DEUP1: variants seen among roughly 807,000 people sequenced by gnomAD.
DEUP1 encodes deuterosome assembly protein 1, also known as coiled-coil domain containing 67.
In DEUP1, 82 loss-of-function variants were observed where a neutral mutation model predicts 87.4. That is an observed-to-expected ratio of 0.94 (90% CI 0.78 to 1.13). The LOEUF is 1.13. Ranked by LOEUF, DEUP1 falls within the 50% of genes most tolerant of loss-of-function variation. The pLI, the probability that DEUP1 is intolerant of heterozygous loss-of-function variation, is 0.00. For missense variants in DEUP1, 663 were observed against 681.5 expected (o/e 0.97, Z 0.30); for synonymous variants, 214 against 222.7 (o/e 0.96, Z 0.35).
chr11:93,348,833 G>T (rs1944485556), intron 2 of DEUP1, among the ~76,000 whole-genome samples: 1 of 152,072 alleles, frequency 6.6e-6, no homozygotes, highest in Non-Finnish European at 1.5e-5. Context: ...AAATTGTCCT[G>T]GTTTGGCTAA....
intron 7 of DEUP1, among the ~76,000 whole-genome samples, chr11:93,376,520 G>C (rs1157079022): frequency 1.3e-5 from 2 of 151,812 alleles, no homozygotes; most frequent in East Asian, 3.9e-4. Context: ...TTCTTTTCTT[G>C]GTTAATCTTG....
chr11:93,416,299 A>C (rs1202548171), intron 13 of DEUP1, among the ~76,000 whole-genome samples: 1 of 151,414 alleles, frequency 6.6e-6, no homozygotes, highest in Non-Finnish European at 1.5e-5. Context: ...ACTAATAAAG[A>C]AAAAAAGAGA....
chr11:93,390,161 GC>G (rs1327921125), intron 9 of DEUP1, among the ~76,000 whole-genome samples: 1 of 152,150 alleles, frequency 6.6e-6, no homozygotes, highest in Non-Finnish European at 1.5e-5. Flanking sequence ...CCTGGGTGTG[GC>G]TTTGAATTAT....
In DEUP1 at chr11:93,369,654, G is replaced by A. The variant is rs540415105; in HGVS notation, c.433-419G>A. ...ATAGGTAAAGAATGGATTTACGGCC[G>A]GGCGCGGTGGCTCACGCCTGTAATC... On this transcript the variant is annotated intron_variant, in intron 5 of 13. Transcript: ENST00000298050. 3.2e-4 allele frequency among the ~76,000 whole-genome samples: 2 copies of A among 6,230 alleles called. 1 individual carries two copies. The highest frequency in any genetic ancestry group is 6.0e-4 in the Non-Finnish European group (2 of 3,346). The allele number at this position is 6,230 out of a possible 152,430, so 4.1% of individuals were successfully genotyped here.
intron 7 of DEUP1, among the ~76,000 whole-genome samples, chr11:93,374,016 G>A (rs1342674121): frequency 4.6e-5 from 7 of 152,108 alleles, no homozygotes; most frequent in Non-Finnish European, 8.8e-5. Context: ...GTTTTGATTT[G>A]CATTTCCCTG....
intron 2 of DEUP1, among the ~76,000 whole-genome samples, chr11:93,337,530 C>T (rs1943833051): frequency 6.6e-6 from 1 of 152,144 alleles, no homozygotes; most frequent in Non-Finnish European, 1.5e-5. Context: ...TATTCACCTC[C>T]CCCCATATAC....
chr11:93,373,625 G>GTGTA (rs796309948), intron 7 of DEUP1, among the ~76,000 whole-genome samples: 681 of 66,974 alleles, frequency 0.01, 7 homozygotes, highest in African/African-American at 0.026. Flanking sequence ...ATATATATAC[G>GTGTA]TATATATATA....
In DEUP1 at chr11:93,418,841, G is replaced by A. The variant is rs925417997; in HGVS notation, c.1638+3727G>A. 2.2e-4 allele frequency among the ~76,000 whole-genome samples: 33 copies of A among 152,154 alleles called. No individual in the cohort carries two copies. The East Asian group carries it at 4.8e-3, about 22-fold the overall frequency. Reference sequence around the variant, plus strand: ...ATGTGGCACATATACATCATGGAATGCTATGCAGCCATAAAAAATGATGAG... The same window carrying A: ...ATGTGGCACATATACATCATGGAATACTATGCAGCCATAAAAAATGATGAG... On this transcript the variant is annotated intron_variant, in intron 13 of 13. Coordinates refer to ENST00000298050, the MANE Select transcript of DEUP1 (RefSeq NM_181645.4).
At chr11:93,410,946 GA>G (rs1947419505) in intron 12 of DEUP1, 1 of 152,188 alleles carries the variant, frequency 6.6e-6, no homozygotes, top group African/African-American at 2.4e-5. Context: ...TTCATTTGTT[GA>G]AAGTTTCATT....
chr11:93,395,103 A>G (rs1341080808), intron 10 of DEUP1, among the ~76,000 whole-genome samples: 1 of 152,216 alleles, frequency 6.6e-6, no homozygotes, highest in Non-Finnish European at 1.5e-5. Context: ...TGAAACATGA[A>G]AATTAGTTCA....
In DEUP1 at chr11:93,394,600, G is replaced by GA; in HGVS notation, c.1188dup (p.Gln397ThrfsTer24). On this transcript the variant is annotated frameshift_variant, in exon 10 of 14. Transcript: ENST00000298050. LOFTEE classifies it high-confidence loss of function. ...TGTCACAAAGAAAGCTGCCCTTCTG[G>GA]AAAAACAGTTAAAAATGGAATTAGA... is the stretch of plus-strand genomic sequence containing the variant. 6.2e-7 allele frequency: 1 copy of GA among 1,612,260 alleles called. No individual in the cohort carries two copies. Among genetic ancestry groups the GA allele is most frequent in the Non-Finnish European group, 8.5e-7 (1 of 1,179,374 alleles).
chr11:93,428,499 G>T (rs970270751), intron 13 of DEUP1, among the ~76,000 whole-genome samples: 1 of 151,990 alleles, frequency 6.6e-6, no homozygotes, highest in South Asian at 2.1e-4. Flanking sequence ...AATGCTAAAT[G>T]ACGAGTTAAT....
intron 5 of DEUP1, among the ~76,000 whole-genome samples, chr11:93,367,455 T>C (rs1434567581): frequency 6.6e-6 from 1 of 152,196 alleles, no homozygotes; most frequent in Non-Finnish European, 1.5e-5. Context: ...TAATGAACTG[T>C]TCCAATTTGA....
At chr11:93,384,389 T>C (rs545064152) in intron 7 of DEUP1, among the ~76,000 whole-genome samples, 1 of 152,338 alleles carries the variant, frequency 6.6e-6, no homozygotes, top group East Asian at 1.9e-4. Flanking sequence ...CCATCTTCCT[T>C]CCTTCCTGTT....
At chr11:93,396,381 G>A (rs1365828452) in intron 11 of DEUP1, 56 bp downstream of exon 11, 6 of 1,060,818 alleles carry the variant, frequency 5.7e-6, no homozygotes, top group African/African-American at 3.2e-5. Flanking sequence ...AATTGGTCAC[G>A]ATTAACCTAG....
At chr11:93,367,537 TTAACA>T in intron 5 of DEUP1, among the ~76,000 whole-genome samples, 1 of 152,342 alleles carries the variant, frequency 6.6e-6, no homozygotes, top group Admixed American at 6.5e-5. Context: ...ATTATTGTAC[TTAACA>T]TACTGACATA....
Position 93,408,041 on chromosome 11 carries a change from A to C in DEUP1, c.1327-190A>C, listed in dbSNP as rs563223490. On this transcript the variant is annotated intron_variant, in intron 11 of 13. Coordinates refer to ENST00000298050, the MANE Select transcript of DEUP1 (RefSeq NM_181645.4). ...ATTGCAAATGTGTTCCACAACAGCT[A>C]CCTCTGGGTATCTGCTTGTTGTGAG... is the stretch of plus-strand genomic sequence containing the variant. 3.9e-5 allele frequency among the ~76,000 whole-genome samples: 6 copies of C among 152,076 alleles called. No individual in the cohort carries two copies. The South Asian group carries it at 1.2e-3, about 32-fold the overall frequency.
intron 11 of DEUP1, among the ~76,000 whole-genome samples, chr11:93,407,982 C>CGG (rs1947329772): frequency 2.0e-5 from 3 of 151,904 alleles, no homozygotes; most frequent in Admixed American, 2.0e-4. Flanking sequence ...TGTATTGCAC[C>CGG]ATCCAACAGT....
chr11:93,342,103 A>G (rs1005941015), intron 2 of DEUP1, among the ~76,000 whole-genome samples: 11 of 152,142 alleles, frequency 7.2e-5, no homozygotes, highest in Non-Finnish European at 1.6e-4. Context: ...ACTTATGTGA[A>G]GATCTTTTTT....
Sources: gnomAD v4.1 joint callset for allele counts (sites outside exome capture counted in the v4.1 genomes callset) on GRCh38, gnomAD v4.1.1 for gene constraint, MANE v1.5 for transcripts, NCBI Gene and HGNC (gene_info 2026-07-23, HGNC 2026-07-21) for gene names.